ADGRL3: variants seen among roughly 807,000 people sequenced by gnomAD.
ADGRL3 encodes the protein adhesion G protein-coupled receptor L3, also known as calcium-independent alpha-latrotoxin receptor 3.
In ADGRL3, 62 loss-of-function variants were observed where a neutral mutation model predicts 153.5. The ratio of observed to expected loss-of-function variants is 0.40; its 90% CI spans 0.33 to 0.50. The LOEUF (loss-of-function observed/expected upper bound fraction) is 0.50. Ranked by LOEUF, ADGRL3 falls within the 20% of genes least tolerant of loss-of-function variation. The pLI is 0.47. For missense variants in ADGRL3, 1,641 were observed against 1,859.4 expected (o/e 0.88, Z 2.16); for synonymous variants, 710 against 672.5 (o/e 1.06, Z -0.86).
chr4:61,458,449 T>A (rs574528943), intron 2 of ADGRL3, among the ~76,000 whole-genome samples: 2 of 151,154 alleles, frequency 1.3e-5, no homozygotes, highest in African/African-American at 2.4e-5. Flanking sequence ...ACATCTCTAG[T>A]GTTGTACTAA....
At position 61,547,386 on chromosome 4, in the gene ADGRL3, C is replaced by T. The variant is rs545521320; in HGVS notation, c.259+29868C>T. Among the ~76,000 whole-genome samples, 11 of 151,868 alleles carry T rather than the reference C, an allele frequency of 7.2e-5. 1 individual carries two copies. The South Asian group carries it at 2.3e-3, about 32-fold the overall frequency. The stretch of plus-strand genomic sequence containing the variant: ...TTGTCACCGGGTAATAAGCATAGTA[C>T]CTGATAGGTAGTTTTTCAATCCTCA... On this transcript the variant is annotated intron_variant, in intron 4 of 26. Coordinates refer to ENST00000683033, the MANE Select transcript of ADGRL3 (RefSeq NM_001387552.1).
intron 1 of ADGRL3, among the ~76,000 whole-genome samples, chr4:61,278,391 G>A (rs955828953): frequency 3.3e-5 from 5 of 152,262 alleles, no homozygotes; most frequent in Admixed American, 3.3e-4. Context: ...TTTAGAAAAC[G>A]ACTAAAACGT....
At chr4:61,437,715 A>G (rs140715772) in intron 2 of ADGRL3, among the ~76,000 whole-genome samples, 5,500 of 152,248 alleles carry the variant, frequency 0.036, 115 homozygotes, top group South Asian at 0.086. Context: ...ATCAAAATCC[A>G]TGGGCAAGAT....
intron 4 of ADGRL3, among the ~76,000 whole-genome samples, chr4:61,532,543 C>CGTGTGTGT: frequency 1.5e-5 from 1 of 67,934 alleles, no homozygotes; most frequent in African/African-American, 4.9e-5. Flanking sequence ...CGCGCGCGCG[C>CGTGTGTGT]GCGCGCGCGC....
intron 4 of ADGRL3, among the ~76,000 whole-genome samples, chr4:61,577,018 A>G (rs1241027786): frequency 6.6e-6 from 1 of 152,016 alleles, no homozygotes; most frequent in African/African-American, 2.4e-5. Context: ...AGTTATTACA[A>G]GGTCTCTGTT....
intron 1 of ADGRL3, among the ~76,000 whole-genome samples, chr4:61,320,776 A>G (rs1431863050): frequency 6.6e-6 from 1 of 152,224 alleles, no homozygotes; most frequent in East Asian, 1.9e-4. Flanking sequence ...GTAACAAATT[A>G]CTACAAACAT....
intron 22 of ADGRL3, among the ~76,000 whole-genome samples, chr4:62,029,889 G>A (rs571032124): frequency 3.0e-4 from 46 of 150,996 alleles, no homozygotes; most frequent in Admixed American, 9.9e-4. Context: ...TTTTTCCAAC[G>A]TCCATAAGAA....
chr4:61,888,637 A>C (rs2098552823), intron 9 of ADGRL3, among the ~76,000 whole-genome samples: 1 of 152,152 alleles, frequency 6.6e-6, no homozygotes, highest in Admixed American at 6.5e-5. Flanking sequence ...CTTTAAAATC[A>C]ATTTTAATTC....
intron 12 of ADGRL3, among the ~76,000 whole-genome samples, chr4:61,912,279 C>T (rs1427903264): frequency 6.6e-6 from 1 of 151,984 alleles, no homozygotes; most frequent in East Asian, 1.9e-4. Flanking sequence ...GTACATTAAC[C>T]GTTTATATTA....
intron 9 of ADGRL3, among the ~76,000 whole-genome samples, chr4:61,822,755 T>G (rs1438272959): frequency 6.6e-6 from 1 of 152,198 alleles, no homozygotes; most frequent in African/African-American, 2.4e-5. Context: ...TTAGTCAGTT[T>G]GTCCTGGTGG....
chr4:62,056,398 A>G (rs940148606), intron 25 of ADGRL3, among the ~76,000 whole-genome samples: 9 of 151,918 alleles, frequency 5.9e-5, no homozygotes, highest in Admixed American at 5.9e-4. Flanking sequence ...TTCTTTGTAA[A>G]GAAAATAAAA....
chr4:61,745,097 C>A (rs1007511677), intron 8 of ADGRL3, among the ~76,000 whole-genome samples: 1 of 152,038 alleles, frequency 6.6e-6, no homozygotes, highest in East Asian at 1.9e-4. Flanking sequence ...ATGCGATCAA[C>A]TGGAATAAAG....
At chr4:61,623,335 G>A (rs2092645704) in intron 5 of ADGRL3, among the ~76,000 whole-genome samples, 1 of 151,980 alleles carries the variant, frequency 6.6e-6, no homozygotes, top group South Asian at 2.1e-4. Flanking sequence ...ATCCCAATCA[G>A]TGTGCTTTGG....
Position 62,070,157 on chromosome 4 carries a change from C to T in ADGRL3, c.3881C>T (p.Pro1294Leu). 1.2e-6 allele frequency: 2 copies of T among 1,613,990 alleles called. No homozygotes were observed. Among genetic ancestry groups the T allele is most frequent in the South Asian group, 2.2e-5 (2 of 91,076 alleles). The change falls in exon 27 of 27, where the codon CCA (proline) becomes CTA (leucine). Residue 1294 changes from proline to leucine, a missense_variant. By Grantham distance (98) the Pro-to-Leu change is moderately conservative (BLOSUM62 -3). This residue lies in a region of ADGRL3 where 517 missense variants were observed against 555.0 expected (regional missense o/e 0.93). Transcript: ENST00000683033. ...GATACAAGTGTCATGGATACTCTAC[C>T]ACTGAATGGTAACCATGGCAATAGT... ...ARDTSVMDTLPLNGNHGNSYS... is the reference protein window; with the variant it reads ...ARDTSVMDTLLLNGNHGNSYS...
chr4:61,369,464 C>A (rs2151670363), intron 1 of ADGRL3, among the ~76,000 whole-genome samples: 1 of 152,052 alleles, frequency 6.6e-6, no homozygotes, highest in Non-Finnish European at 1.5e-5. Flanking sequence ...TGTCAAAGGC[C>A]TTTTCTGCAT....
rs145480663 is a variant in ADGRL3, at chr4:61,626,025, A to C, written c.473+38585A>C. 3.1e-3 allele frequency among the ~76,000 whole-genome samples: 467 copies of C among 152,124 alleles called. 1 individual carries two copies. Among genetic ancestry groups the C allele is most frequent in the African/African-American group, 0.011 (440 of 41,538 alleles). On this transcript the variant is annotated intron_variant, in intron 5 of 26. Coordinates refer to ENST00000683033, the MANE Select transcript of ADGRL3 (RefSeq NM_001387552.1). ...AATTAAATGCCATTATACTTTCTTA[A>C]CACTCTACAGTTTAAAATATATATT... is the stretch of plus-strand genomic sequence containing the variant.
At chr4:61,272,508 C>T (rs1313979138) in intron 1 of ADGRL3, among the ~76,000 whole-genome samples, 1 of 151,980 alleles carries the variant, frequency 6.6e-6, no homozygotes, top group African/African-American at 2.4e-5. Flanking sequence ...ACTTTATGAG[C>T]ATTCATTTTA....
intron 8 of ADGRL3, among the ~76,000 whole-genome samples, chr4:61,784,589 A>G (rs1333056183): frequency 1.3e-5 from 2 of 152,138 alleles, no homozygotes; most frequent in African/African-American, 2.4e-5. Context: ...TGCAGTCTTC[A>G]GGTACATTAA....
chr4:61,276,469 T>A (rs2093466751), intron 1 of ADGRL3, among the ~76,000 whole-genome samples: 1 of 152,206 alleles, frequency 6.6e-6, no homozygotes, highest in Non-Finnish European at 1.5e-5. Context: ...TAGTGACGAT[T>A]TTACAGATTT....
Sources: allele counts gnomAD v4.1 joint callset (sites outside exome capture counted in the v4.1 genomes callset), GRCh38; gene constraint gnomAD v4.1.1; regional missense constraint gnomAD v4.1.1; transcripts MANE v1.5; gene names NCBI Gene and HGNC (gene_info 2026-07-23, HGNC 2026-07-21).